SLC38A11: variants seen among roughly 807,000 people sequenced by gnomAD.
SLC38A11 encodes the protein solute carrier family 38 member 11, also known as putative sodium-coupled neutral amino acid transporter 11.
Under a neutral mutation model 49.4 loss-of-function variants are expected in SLC38A11, and 51 were observed. The observed-to-expected ratio is 1.03, with a 90% confidence interval of 0.83 to 1.30. The LOEUF (loss-of-function observed/expected upper bound fraction) is 1.30. Among genes scored for constraint, SLC38A11 ranks in the 50% most tolerant of loss-of-function variants. The pLI is 0.00. For synonymous variants in SLC38A11, 203 were observed against 192.9 expected (o/e 1.05, Z -0.43); for missense variants, 574 against 556.2 (o/e 1.03, Z -0.32).
At chr2:164,906,343 T>C (rs1485244689) in intron 11 of SLC38A11, among the ~76,000 whole-genome samples, 1 of 152,224 alleles carries the variant, frequency 6.6e-6, no homozygotes, top group African/African-American at 2.4e-5. Context: ...CATTTCCTGG[T>C]ACTACATTAA....
At chr2:164,941,588 T>C (rs930241275) in intron 5 of SLC38A11, among the ~76,000 whole-genome samples, 1 of 152,184 alleles carries the variant, frequency 6.6e-6, no homozygotes, top group Non-Finnish European at 1.5e-5. Context: ...ATTACAAAAT[T>C]GATAACCAGG....
At position 164,897,918 on chromosome 2, in the gene SLC38A11, C is replaced by T. The variant is rs1423543026; in HGVS notation, c.*519G>A. 6.5e-6 allele frequency: 1 copy of T among 152,764 alleles called. No homozygotes were observed. The highest frequency in any genetic ancestry group is 6.5e-5 in the Admixed American group (1 of 15,286). The allele number at this position is 152,764 out of a possible 1,614,324, so 9.5% of individuals were successfully genotyped here. On this transcript the variant is annotated 3_prime_UTR_variant, in exon 12 of 12. Transcript: ENST00000685975. Reference sequence around the variant, plus strand: ...GTCTTTGCTCATTTCTCCAGGGATCCATTTCCCTTTAAACAAAGGATGCTG... The same window carrying T: ...GTCTTTGCTCATTTCTCCAGGGATCTATTTCCCTTTAAACAAAGGATGCTG...
At chr2:164,909,962 C>A (rs1230237350) in intron 10 of SLC38A11, among the ~76,000 whole-genome samples, 1 of 152,018 alleles carries the variant, frequency 6.6e-6, no homozygotes, top group African/African-American at 2.4e-5. Context: ...CTTACAGATG[C>A]CTCTATGATA....
intron 10 of SLC38A11, among the ~76,000 whole-genome samples, chr2:164,910,109 C>CTG (rs917723119): frequency 6.6e-6 from 1 of 151,702 alleles, no homozygotes; most frequent in Non-Finnish European, 1.5e-5. Flanking sequence ...GTGTGTGTAC[C>CTG]TGTGTGTGTG....
chr2:164,950,765 A>G (rs1688467816), intron 3 of SLC38A11, among the ~76,000 whole-genome samples: 1 of 152,208 alleles, frequency 6.6e-6, no homozygotes, highest in Non-Finnish European at 1.5e-5. Flanking sequence ...AGAACTTAGA[A>G]AAACTTGCTG....
intron 11 of SLC38A11, 99 bp from the exon 12 acceptor site, chr2:164,898,829 G>T: frequency 1.7e-6 from 2 of 1,145,306 alleles, no homozygotes; most frequent in Non-Finnish European, 2.5e-6. Flanking sequence ...TCATGCACAT[G>T]TTAAACATGT....
chr2:164,943,539 A>G (rs983848861), intron 5 of SLC38A11, among the ~76,000 whole-genome samples: 2 of 152,260 alleles, frequency 1.3e-5, no homozygotes. Flanking sequence ...GCATTCTGAA[A>G]AAAGCAAAAC....
chr2:164,933,260 T>C (rs1471792198), intron 7 of SLC38A11, among the ~76,000 whole-genome samples: 1 of 152,000 alleles, frequency 6.6e-6, no homozygotes, highest in African/African-American at 2.4e-5. Flanking sequence ...TTTTTAACAG[T>C]GATAATGCCT....
In SLC38A11 at chr2:164,896,734, A is replaced by C. The variant is rs1026686730; in HGVS notation, c.*1703T>G. On this transcript the variant is annotated 3_prime_UTR_variant, in exon 12 of 12. Transcript: ENST00000685975. The stretch of plus-strand genomic sequence containing the variant: ...AATTTAATGGTAAGGATAATATTTT[A>C]TTGAAAAAATAAATCACCACTAAAA... The C allele has an allele frequency of 6.6e-6, 1 of 152,176 alleles. No individual in the cohort carries two copies. The highest frequency in any genetic ancestry group is 1.5e-5 in the Non-Finnish European group (1 of 68,026). The allele number at this position is 152,176 out of a possible 1,614,324, so 9.4% of individuals were successfully genotyped here.
At chr2:164,934,246 T>A (rs1687203937) in intron 7 of SLC38A11, among the ~76,000 whole-genome samples, 1 of 152,150 alleles carries the variant, frequency 6.6e-6, no homozygotes, top group Non-Finnish European at 1.5e-5. Flanking sequence ...ACATGACACT[T>A]TGTACATAAA....
At chr2:164,911,161 A>G (rs1353803821) in intron 10 of SLC38A11, among the ~76,000 whole-genome samples, 2 of 152,076 alleles carry the variant, frequency 1.3e-5, no homozygotes, top group Non-Finnish European at 2.9e-5. Context: ...AAGATATTTT[A>G]GTTTTTAAAA....
At chr2:164,929,568 C>T (rs1237858472) in intron 7 of SLC38A11, among the ~76,000 whole-genome samples, 1 of 152,068 alleles carries the variant, frequency 6.6e-6, no homozygotes, top group African/African-American at 2.4e-5. Flanking sequence ...GGGAGAAAAG[C>T]TTTCAGAAAC....
At chr2:164,937,463 A>C in intron 6 of SLC38A11, 34 bp from the exon 7 acceptor site, 1 of 1,269,160 alleles carries the variant, frequency 7.9e-7, no homozygotes, top group Non-Finnish European at 1.1e-6. Flanking sequence ...TTGCCGGTTT[A>C]GGACAGAAAT....
At chr2:164,903,536 A>G (rs1684799543) in intron 11 of SLC38A11, among the ~76,000 whole-genome samples, 2 of 152,208 alleles carry the variant, frequency 1.3e-5, no homozygotes, top group African/African-American at 4.8e-5. Flanking sequence ...GCTCAGTCTT[A>G]CTAAAGGTTG....
chr2:164,936,262 A>G (rs1687365852), intron 7 of SLC38A11, among the ~76,000 whole-genome samples: 1 of 152,132 alleles, frequency 6.6e-6, no homozygotes, highest in African/African-American at 2.4e-5. Flanking sequence ...GATATTTAAC[A>G]GATATTTCAT....
intron 11 of SLC38A11, among the ~76,000 whole-genome samples, chr2:164,900,759 C>T (rs534192819): frequency 2.3e-3 from 344 of 152,044 alleles, no homozygotes; most frequent in Middle Eastern, 0.014. Context: ...GTTGTCTTTT[C>T]TTCCCGCCCT....
intron 11 of SLC38A11, among the ~76,000 whole-genome samples, chr2:164,905,735 A>C (rs1287300160): frequency 6.6e-6 from 1 of 152,142 alleles, no homozygotes; most frequent in African/African-American, 2.4e-5. Flanking sequence ...GTCATAACAG[A>C]CAATTTAGCA....
In SLC38A11 at chr2:164,896,006, G is replaced by C. The variant is rs150771238; in HGVS notation, c.*2431C>G. Among the ~76,000 whole-genome samples the C allele has an allele frequency of 2.2e-3, 342 of 152,218 alleles. No individual in the cohort carries two copies. The highest frequency in any genetic ancestry group is 8.0e-3 in the African/African-American group (331 of 41,546). ...CTTTATACATTTAAGTGTATTGACA[G>C]CTTCAAAAACTGGTTTAAAACCTTC... On this transcript the variant is annotated 3_prime_UTR_variant, in exon 12 of 12. Coordinates refer to ENST00000685975, the MANE Select transcript of SLC38A11 (RefSeq NM_001351537.2).
intron 3 of SLC38A11, among the ~76,000 whole-genome samples, chr2:164,946,885 C>T (rs573695438): frequency 6.6e-6 from 1 of 152,176 alleles, no homozygotes; most frequent in East Asian, 1.9e-4. Context: ...CAATGTTCTC[C>T]AAGTTGATAA....
Sources: gnomAD v4.1 joint callset for allele counts (sites outside exome capture counted in the v4.1 genomes callset) on GRCh38, gnomAD v4.1.1 for gene constraint, MANE v1.5 for transcripts, NCBI Gene and HGNC (gene_info 2026-07-23, HGNC 2026-07-21) for gene names.